HYCC2: variants seen among roughly 807,000 people sequenced by gnomAD.
The protein encoded by HYCC2 is hyccin PI4KA lipid kinase complex subunit 2, also known as hyccin 2.
chr2:201,035,414 T>C, the HYCC2 span, among the ~76,000 whole-genome samples: 9 of 152,250 alleles, frequency 5.9e-5, no homozygotes, highest in Admixed American at 1.3e-4. Context: ...GGCTTGTGCA[T>C]TCGTCACGTC....
At chr2:201,006,130 CTTTT>C in the HYCC2 span, among the ~76,000 whole-genome samples, 112 of 118,354 alleles carry the variant, frequency 9.5e-4, no homozygotes, top group African/African-American at 3.3e-3. Flanking sequence ...TCGCGCCTGG[CTTTT>C]TTTTTTTTTT....
At chr2:201,027,095 G>T in the HYCC2 span, among the ~76,000 whole-genome samples, 1 of 151,728 alleles carries the variant, frequency 6.6e-6, no homozygotes, top group African/African-American at 2.4e-5. Flanking sequence ...AAAGAGAGAA[G>T]AATCAAATAG....
chr2:201,008,544 T>TG, the HYCC2 span, among the ~76,000 whole-genome samples: 3 of 152,016 alleles, frequency 2.0e-5, no homozygotes, highest in Non-Finnish European at 2.9e-5. Flanking sequence ...AGGATCACGT[T>TG]GAGGCCAGGA....
chr2:201,035,388 T>C, the HYCC2 span, among the ~76,000 whole-genome samples: 9 of 152,374 alleles, frequency 5.9e-5, no homozygotes, highest in East Asian at 9.6e-4. Flanking sequence ...TTCCAGTTGA[T>C]TGAATCGGCT....
chr2:201,018,967 C>G, the HYCC2 span, among the ~76,000 whole-genome samples: 3,189 of 152,218 alleles, frequency 0.021, 54 homozygotes, highest in Non-Finnish European at 0.032. Context: ...TCCACTCTAC[C>G]GCACTTCTTA....
chr2:200,982,002 C>T, the HYCC2 span: 2 of 865,670 alleles, frequency 2.3e-6, no homozygotes, highest in Non-Finnish European at 3.4e-6. Context: ...TCAACACTTC[C>T]CCTAAATAAT....
At chr2:201,029,546 T>C in the HYCC2 span, among the ~76,000 whole-genome samples, 1 of 152,124 alleles carries the variant, frequency 6.6e-6, no homozygotes, top group Non-Finnish European at 1.5e-5. Context: ...CCATCAATGA[T>C]AGACTAGATT....
the HYCC2 span, among the ~76,000 whole-genome samples, chr2:201,033,625 C>T: frequency 2.6e-5 from 4 of 151,848 alleles, no homozygotes; most frequent in Admixed American, 6.6e-5. Flanking sequence ...GGTATGGTCT[C>T]GATCTCCTGA....
the HYCC2 span, among the ~76,000 whole-genome samples, chr2:201,029,194 A>G: frequency 1.3e-5 from 2 of 152,236 alleles, no homozygotes; most frequent in Non-Finnish European, 2.9e-5. Context: ...CAGCCAACAG[A>G]CACATGAAAA....
chr2:201,062,076 G>A, the HYCC2 span, among the ~76,000 whole-genome samples: 3 of 152,112 alleles, frequency 2.0e-5, no homozygotes, highest in Non-Finnish European at 4.4e-5. Context: ...CTGCACTCCA[G>A]TCTGAGCAAC....
the HYCC2 span, among the ~76,000 whole-genome samples, chr2:201,015,196 T>A: frequency 2.0e-5 from 3 of 152,230 alleles, no homozygotes. Context: ...AGGTGCCTTG[T>A]GCTGCCCAAG....
chr2:201,044,212 T>A, the HYCC2 span, among the ~76,000 whole-genome samples: 1 of 152,210 alleles, frequency 6.6e-6, no homozygotes, highest in African/African-American at 2.4e-5. Flanking sequence ...AAAATGACTA[T>A]CTTTATGATA....
At chr2:200,998,947 A>C in the HYCC2 span, among the ~76,000 whole-genome samples, 1 of 152,334 alleles carries the variant, frequency 6.6e-6, no homozygotes, top group South Asian at 2.1e-4. Context: ...CACTTTCTCC[A>C]TATATCTAGG....
the HYCC2 span, among the ~76,000 whole-genome samples, chr2:201,060,318 C>T: frequency 6.6e-6 from 1 of 152,104 alleles, no homozygotes; most frequent in Non-Finnish European, 1.5e-5. Flanking sequence ...GTTTGTATGA[C>T]CAGCTAAAAG....
chr2:201,002,085 A>G, the HYCC2 span, among the ~76,000 whole-genome samples: 1 of 152,020 alleles, frequency 6.6e-6, no homozygotes. Flanking sequence ...CAATTCCTCA[A>G]TATTCAAAGA....
the HYCC2 span, among the ~76,000 whole-genome samples, chr2:201,042,190 G>T: frequency 6.6e-6 from 1 of 152,202 alleles, no homozygotes; most frequent in African/African-American, 2.4e-5. Context: ...GCTCCTGACC[G>T]CGAGTGGTCT....
chr2:201,058,718 A>T, the HYCC2 span, among the ~76,000 whole-genome samples: 1 of 152,208 alleles, frequency 6.6e-6, no homozygotes, highest in Non-Finnish European at 1.5e-5. Flanking sequence ...AAAAAAAAGA[A>T]ATCACAGAAA....
the HYCC2 span, among the ~76,000 whole-genome samples, chr2:201,068,674 T>G: frequency 6.6e-6 from 1 of 152,194 alleles, no homozygotes; most frequent in Non-Finnish European, 1.5e-5. Context: ...GTCCAAACTT[T>G]TTCAAAACAC....
chr2:201,040,775 G>A, the HYCC2 span, among the ~76,000 whole-genome samples: 1 of 152,156 alleles, frequency 6.6e-6, no homozygotes, highest in Non-Finnish European at 1.5e-5. Flanking sequence ...GTGAGCCACT[G>A]TGCCCAGCCT....
Sources: gnomAD v4.1 joint callset for allele counts (sites outside exome capture counted in the v4.1 genomes callset) on GRCh38, gnomAD v4.1.1 for gene constraint, MANE v1.5 for transcripts, NCBI Gene and HGNC (gene_info 2026-07-23, HGNC 2026-07-21) for gene names.